The following UNC79 variants were observed in gnomAD, a reference collection of about 807,000 sequenced individuals.
UNC79 encodes unc-79 subunit of NALCN channel complex.
UNC79 carries 37 observed loss-of-function variants against 283.1 expected under a neutral mutation model. The ratio of observed to expected loss-of-function variants is 0.13; its 90% CI spans 0.10 to 0.17. The LOEUF (loss-of-function observed/expected upper bound fraction) is 0.17. UNC79 is among the 10% of genes least tolerant of loss of function. The pLI is 1.00. For synonymous variants in UNC79, 1,107 were observed against 1,200.2 expected (o/e 0.92, Z 1.61); for missense variants, 2,272 against 3,211.1 (o/e 0.71, Z 7.07).
intron 40 of UNC79, among the ~76,000 whole-genome samples, chr14:93,663,602 C>G (rs1459804442): frequency 6.6e-6 from 1 of 152,020 alleles, no homozygotes; most frequent in Non-Finnish European, 1.5e-5. Flanking sequence ...CCTTTCTTAC[C>G]AACTTGGGTC....
chr14:93,622,624 C>T (rs955767850), exon 30 of UNC79: 1 of 1,614,122 alleles, frequency 6.2e-7, no homozygotes, highest in Non-Finnish European at 8.5e-7. Context: ...CAGAGAACCC[C>T]ACAGAAAGTG....
intron 41 of UNC79, among the ~76,000 whole-genome samples, chr14:93,677,598 A>G (rs1210572920): frequency 6.6e-6 from 1 of 152,214 alleles, no homozygotes; most frequent in Non-Finnish European, 1.5e-5. Context: ...GTGTGGGGAC[A>G]TAGCCAAACC....
At chr14:93,607,755 A>G (rs902761173) in intron 26 of UNC79, among the ~76,000 whole-genome samples, 2 of 152,218 alleles carry the variant, frequency 1.3e-5, no homozygotes, top group Non-Finnish European at 2.9e-5. Flanking sequence ...CTGCATTTGT[A>G]TCCATAAGAG....
At chr14:93,586,883 A>T in exon 22 of UNC79, 4 of 1,613,980 alleles carry the variant, frequency 2.5e-6, no homozygotes, top group Non-Finnish European at 3.4e-6. Flanking sequence ...TTTAGCCTAC[A>T]TTCAGGACCA....
intron 7 of UNC79, among the ~76,000 whole-genome samples, chr14:93,519,559 A>G (rs1044503200): frequency 6.6e-6 from 1 of 151,880 alleles, no homozygotes; most frequent in Non-Finnish European, 1.5e-5. Context: ...ATTGAAGCCT[A>G]TCATGATACA....
intron 31 of UNC79, chr14:93,634,523 C>T (rs2068339950): frequency 6.2e-7 from 1 of 1,610,728 alleles, no homozygotes; most frequent in Non-Finnish European, 8.5e-7. Flanking sequence ...CCATCTAGCT[C>T]AGTATAGGCA....
chr14:93,466,845 A>G, intron 1 of UNC79: 1 of 985,366 alleles, frequency 1.0e-6, no homozygotes, highest in South Asian at 4.7e-5. Context: ...GGGGTCCTTC[A>G]CTACAGCCAG....
chr14:93,460,959 T>C (rs1415308899), intron 1 of UNC79, among the ~76,000 whole-genome samples: 2 of 152,314 alleles, frequency 1.3e-5, no homozygotes, highest in East Asian at 3.9e-4. Flanking sequence ...AGATTATTGG[T>C]AAAGTAAATT....
At chr14:93,373,602 A>G (rs1408776052) in intron 1 of UNC79, among the ~76,000 whole-genome samples, 13 of 152,232 alleles carry the variant, frequency 8.5e-5, no homozygotes. Context: ...AAGAAGTTGA[A>G]TCAATAAATA....
chr14:93,348,117 TTAGATGGAAGATG>T (rs1311526462), intron 1 of UNC79: 2 of 1,585,646 alleles, frequency 1.3e-6, no homozygotes, highest in Non-Finnish European at 1.7e-6. Context: ...TCAGAAGGAA[TTAGATGGAAGATG>T]ATGTTGAACA....
At chr14:93,360,102 C>T (rs1311242447) in intron 1 of UNC79, among the ~76,000 whole-genome samples, 2 of 152,004 alleles carry the variant, frequency 1.3e-5, no homozygotes, top group East Asian at 1.9e-4. Flanking sequence ...CCAGTGGGTC[C>T]CTGGTCTCAT....
upstream of UNC79, among the ~76,000 whole-genome samples, chr14:93,428,215 C>A (rs1325498462): frequency 1.3e-5 from 2 of 152,148 alleles, no homozygotes; most frequent in Admixed American, 1.3e-4. Context: ...AGATGATAGG[C>A]ACAGCTTTTT....
chr14:93,626,921 CA>C (rs1566809595), intron 30 of UNC79, among the ~76,000 whole-genome samples: 2 of 152,260 alleles, frequency 1.3e-5, no homozygotes, highest in South Asian at 4.1e-4. Flanking sequence ...TGGTGGCACA[CA>C]CCTGTAGTCC....
chr14:93,680,041 A>G (rs1486417382), intron 41 of UNC79, among the ~76,000 whole-genome samples: 2 of 152,236 alleles, frequency 1.3e-5, no homozygotes, highest in Non-Finnish European at 2.9e-5. Flanking sequence ...TAAAAAAAAG[A>G]TGATTTCTGA....
At chr14:93,559,794 G>A (rs1426558162) in intron 14 of UNC79, among the ~76,000 whole-genome samples, 4 of 152,168 alleles carry the variant, frequency 2.6e-5, no homozygotes, top group African/African-American at 9.7e-5. Flanking sequence ...TATCTGTGCA[G>A]GTCACAGGGG....
intron 1 of UNC79, among the ~76,000 whole-genome samples, chr14:93,440,216 G>A (rs2140128746): frequency 7.3e-6 from 1 of 137,016 alleles, no homozygotes; most frequent in Admixed American, 7.5e-5. Flanking sequence ...AACATCCAAG[G>A]ATTTTGGTAC....
chr14:93,677,566 A>G (rs1267886220), intron 41 of UNC79, among the ~76,000 whole-genome samples: 1 of 152,182 alleles, frequency 6.6e-6, no homozygotes, highest in Non-Finnish European at 1.5e-5. Context: ...CATGGGGATT[A>G]TTACAATTCA....
chr14:93,494,405 T>G (rs2058920018), intron 5 of UNC79, among the ~76,000 whole-genome samples: 1 of 152,212 alleles, frequency 6.6e-6, no homozygotes, highest in Non-Finnish European at 1.5e-5. Context: ...TCACTGATAC[T>G]GGAGGCATTG....
At chr14:93,667,930 G>A (rs536074218) in intron 40 of UNC79, among the ~76,000 whole-genome samples, 1 of 152,172 alleles carries the variant, frequency 6.6e-6, no homozygotes, top group Non-Finnish European at 1.5e-5. Flanking sequence ...TTCAGCAGGT[G>A]CAAGAAAATA....
Sources: gnomAD v4.1 joint callset for allele counts (sites outside exome capture counted in the v4.1 genomes callset) on GRCh38, gnomAD v4.1.1 for gene constraint, MANE v1.5 for transcripts, NCBI Gene and HGNC (gene_info 2026-07-23, HGNC 2026-07-21) for gene names.